TUT4: variants seen among roughly 807,000 people sequenced by gnomAD.
TUT4 encodes the protein terminal uridylyl transferase 4.
In TUT4, 36 loss-of-function variants were observed where a neutral mutation model predicts 192.2. The ratio of observed to expected loss-of-function variants is 0.19; its 90% CI spans 0.14 to 0.25. The LOEUF is 0.25. Ranked by LOEUF, TUT4 falls within the 10% of genes least tolerant of loss-of-function variation. The probability of loss-of-function intolerance (pLI) is 1.00; values close to 1 mark genes in which losing one functional copy is unlikely to be tolerated. For missense variants in TUT4, 1,493 were observed against 1,957.2 expected, an observed-to-expected ratio of 0.76 and a Z score of 4.47; for synonymous variants, 618 against 666.0, an observed-to-expected ratio of 0.93 and a Z score of 1.11.
rs752717852 is a variant in TUT4 at position 52,475,226 on chromosome 1, A to G, written c.2333T>C (p.Ile778Thr). The stretch of plus-strand genomic sequence containing the variant: ...ATTTACCAACAAATTGTTGTTGTCA[A>G]TAATACATCTCTGTGATGTACAGTC... Reference protein sequence around the residue: ...EMDCTSQRCIIDNNNLLVNEL... With the variant: ...EMDCTSQRCITDNNNLLVNEL... The change falls in exon 13 of 30, where the codon ATT (isoleucine) becomes ACT (threonine). Residue 778 changes from isoleucine to threonine, a missense_variant. Transcript: ENST00000257177. 6 of 1,614,164 alleles carry G rather than the reference A, an allele frequency of 3.7e-6. No homozygotes were observed. The highest frequency in any genetic ancestry group is 1.7e-5 in the Admixed American group (1 of 60,022).
chr1:52,485,826 T>C (rs899159998), intron 9 of TUT4, among the ~76,000 whole-genome samples: 1 of 152,112 alleles, frequency 6.6e-6, no homozygotes, highest in African/African-American at 2.4e-5. Context: ...TTATATTTCA[T>C]TTAGATTGTA....
intron 2 of TUT4, among the ~76,000 whole-genome samples, chr1:52,522,144 T>C (rs1382731553): frequency 3.9e-5 from 6 of 152,146 alleles, no homozygotes; most frequent in Non-Finnish European, 4.4e-5. Context: ...ATACATATCA[T>C]ATTATACATG....
At chr1:52,451,863 A>G (rs1269120576) in intron 20 of TUT4, among the ~76,000 whole-genome samples, 2 of 151,804 alleles carry the variant, frequency 1.3e-5, no homozygotes, top group Non-Finnish European at 2.9e-5. Context: ...AAAAGACACA[A>G]TATGCCAAAA....
At chr1:52,434,012 G>T (rs1652955679) in intron 27 of TUT4, 1 of 152,112 alleles carries the variant, frequency 6.6e-6, no homozygotes, top group Admixed American at 6.5e-5. Flanking sequence ...GATACATAGA[G>T]ATTTATTTTC....
intron 4 of TUT4, among the ~76,000 whole-genome samples, chr1:52,500,280 C>A (rs1370825036): frequency 2.0e-5 from 3 of 152,192 alleles, no homozygotes; most frequent in Non-Finnish European, 2.9e-5. Context: ...TGAAGCTGGA[C>A]TCTGACCTTA....
rs545381742 is a variant in TUT4, at chr1:52,521,122, G to T, written c.718+4441C>A. Among the ~76,000 whole-genome samples, 3 of 152,074 alleles carry T rather than the reference G, an allele frequency of 2.0e-5. No homozygotes were observed. The South Asian group carries it at 6.2e-4, about 32-fold the overall frequency. ...TTACTACATATTTTTCTTATTTATT[G>T]TGTTTGTTATCTGTTTCATCCCACT... On this transcript the variant is annotated intron_variant, in intron 2 of 29. Transcript: ENST00000257177.
chr1:52,482,511 C>G (rs535340559), intron 9 of TUT4, among the ~76,000 whole-genome samples: 18 of 152,276 alleles, frequency 1.2e-4, no homozygotes, highest in African/African-American at 4.1e-4. Context: ...ATGATCATGA[C>G]TCACTGCAGG....
intron 20 of TUT4, among the ~76,000 whole-genome samples, chr1:52,455,080 T>C (rs1310128721): frequency 6.6e-6 from 1 of 152,108 alleles, no homozygotes; most frequent in Non-Finnish European, 1.5e-5. Flanking sequence ...AGCCCAGAGC[T>C]CGAGACCAAC....
intron 4 of TUT4, among the ~76,000 whole-genome samples, chr1:52,501,682 C>T (rs1335566536): frequency 2.0e-5 from 3 of 152,036 alleles, no homozygotes; most frequent in Non-Finnish European, 4.4e-5. Flanking sequence ...ACATTATTCA[C>T]AACAGTCAAA....
intron 4 of TUT4, among the ~76,000 whole-genome samples, chr1:52,506,285 C>CT (rs1553203499): frequency 6.6e-6 from 1 of 151,378 alleles, no homozygotes; most frequent in Non-Finnish European, 1.5e-5. Flanking sequence ...AGTTTTCTTT[C>CT]TTTTTTTTTC....
chr1:52,505,674 A>T (rs1675341681), intron 4 of TUT4, among the ~76,000 whole-genome samples: 1 of 151,908 alleles, frequency 6.6e-6, no homozygotes, highest in African/African-American at 2.4e-5. Flanking sequence ...TGCCTACCTC[A>T]GCCTCCCAAA....
intron 8 of TUT4, among the ~76,000 whole-genome samples, chr1:52,489,914 TATC>T (rs1670711120): frequency 6.6e-6 from 1 of 152,136 alleles, no homozygotes; most frequent in African/African-American, 2.4e-5. Flanking sequence ...AATAAAAGAA[TATC>T]ATTTCTGTAT....
intron 1 of TUT4, among the ~76,000 whole-genome samples, chr1:52,540,618 G>A (rs1019702896): frequency 6.6e-6 from 1 of 152,062 alleles, no homozygotes; most frequent in African/African-American, 2.4e-5. Flanking sequence ...TATAATTAGA[G>A]TCTTGCAGTA....
chr1:52,489,046 G>T lies in TUT4; in HGVS notation c.1389-11C>A. On this transcript the variant is annotated splice_polypyrimidine_tract_variant and intron_variant, in intron 8 of 29. Transcript: ENST00000257177. ...CTACAAAGTAAACCACTGTGAATGA[G>T]AAAGAAACAAATTTCATTGTATTAA... The T allele has an allele frequency of 6.2e-7, 1 of 1,602,592 alleles. No homozygotes were observed. The highest frequency in any genetic ancestry group is 1.1e-5 in the South Asian group (1 of 88,566).
chr1:52,454,213 T>C (rs1008329912), intron 20 of TUT4, among the ~76,000 whole-genome samples: 14 of 152,178 alleles, frequency 9.2e-5, no homozygotes, highest in Admixed American at 1.3e-4. Flanking sequence ...TTTGTGGATA[T>C]AGACAAACTG....
At chr1:52,549,325 C>A (rs557375115) in intron 1 of TUT4, among the ~76,000 whole-genome samples, 4 of 152,246 alleles carry the variant, frequency 2.6e-5, no homozygotes, top group Admixed American at 6.5e-5. Flanking sequence ...ACCATTCTAT[C>A]CATATCAATT....
chr1:52,472,789 A>C (rs1423865151), intron 13 of TUT4, among the ~76,000 whole-genome samples: 1 of 152,056 alleles, frequency 6.6e-6, no homozygotes, highest in African/African-American at 2.4e-5. Flanking sequence ...ATTTATGCCA[A>C]CTCAAAGAAA....
At chr1:52,507,699 T>C (rs1042734322) in intron 4 of TUT4, among the ~76,000 whole-genome samples, 4 of 152,180 alleles carry the variant, frequency 2.6e-5, no homozygotes, top group Non-Finnish European at 5.9e-5. Context: ...TCAAAGGAAA[T>C]GCTCATTAAA....
intron 20 of TUT4, among the ~76,000 whole-genome samples, chr1:52,451,598 T>G (rs1053424326): frequency 6.6e-6 from 1 of 151,880 alleles, no homozygotes; most frequent in Non-Finnish European, 1.5e-5. Context: ...TCCCAGCACT[T>G]TGGGAGGCCA....
Sources: allele counts gnomAD v4.1 joint callset (sites outside exome capture counted in the v4.1 genomes callset), GRCh38; gene constraint gnomAD v4.1.1; transcripts MANE v1.5; gene names NCBI Gene and HGNC (gene_info 2026-07-23, HGNC 2026-07-21).